Variants in TRAPPC9 observed in about 807,000 individuals in gnomAD.
The protein encoded by TRAPPC9 is IKK2 binding protein.
In TRAPPC9, 83 loss-of-function variants were observed where a neutral mutation model predicts 124.0. The observed-to-expected ratio is 0.67, with a 90% CI of 0.56 to 0.80. TRAPPC9 has a LOEUF of 0.80. TRAPPC9 is among the 30% of genes least tolerant of loss of function. The pLI, the probability that TRAPPC9 is intolerant of heterozygous loss-of-function variation, is 0.00. For synonymous variants in TRAPPC9, 638 were observed against 617.5 expected (o/e 1.03, Z -0.49); for missense variants, 1,302 against 1,508.3 (o/e 0.86, Z 2.27).
intron 17 of TRAPPC9, among the ~76,000 whole-genome samples, chr8:140,091,366 G>C (rs573816042): frequency 2.0e-4 from 31 of 152,332 alleles, no homozygotes; most frequent in African/African-American, 6.0e-4. Flanking sequence ...AGAAAGACTG[G>C]CAGGAAGATG....
At chr8:139,743,546 C>A (rs1563778246) in intron 21 of TRAPPC9, among the ~76,000 whole-genome samples, 1 of 152,202 alleles carries the variant, frequency 6.6e-6, no homozygotes, top group East Asian at 1.9e-4. Context: ...TGACATAAAT[C>A]TTGGGCGGTC....
chr8:140,297,459 A>C (rs182755432), intron 11 of TRAPPC9, among the ~76,000 whole-genome samples: 30 of 152,330 alleles, frequency 2.0e-4, no homozygotes, highest in African/African-American at 6.7e-4. Flanking sequence ...ATACACACAA[A>C]TTCTAGAGTA....
At chr8:140,341,063 G>A (rs951022310) in intron 9 of TRAPPC9, among the ~76,000 whole-genome samples, 1 of 151,890 alleles carries the variant, frequency 6.6e-6, no homozygotes, top group Admixed American at 6.6e-5. Flanking sequence ...AACAGCAGAG[G>A]AAAAAAAGGC....
intron 8 of TRAPPC9, among the ~76,000 whole-genome samples, chr8:140,365,561 C>T (rs966249056): frequency 2.0e-5 from 3 of 152,202 alleles, no homozygotes; most frequent in South Asian, 2.1e-4. Flanking sequence ...GAGACAACAG[C>T]GCCCCTTCAT....
chr8:140,029,280 C>T (rs1473199374), intron 17 of TRAPPC9, among the ~76,000 whole-genome samples: 1 of 152,192 alleles, frequency 6.6e-6, no homozygotes, highest in Non-Finnish European at 1.5e-5. Flanking sequence ...TGCGCAGAGG[C>T]AGATCACTTG....
intron 17 of TRAPPC9, among the ~76,000 whole-genome samples, chr8:140,034,512 A>AC (rs371550692): frequency 1.8e-3 from 270 of 152,332 alleles, no homozygotes; most frequent in African/African-American, 6.2e-3. Flanking sequence ...ACGCTGCAGC[A>AC]CAAGTGCTTG....
intron 7 of TRAPPC9, among the ~76,000 whole-genome samples, chr8:140,380,090 T>A (rs1016214284): frequency 7.9e-5 from 12 of 152,150 alleles, no homozygotes; most frequent in African/African-American, 2.9e-4. Flanking sequence ...TTGACAAGCT[T>A]ATGCCAAAAT....
At chr8:140,343,999 C>T (rs1015848610) in intron 9 of TRAPPC9, among the ~76,000 whole-genome samples, 12 of 152,116 alleles carry the variant, frequency 7.9e-5, no homozygotes, top group Admixed American at 2.0e-4. Context: ...AATCCTCACA[C>T]ACACCCTGTT....
chr8:140,113,205 A>G (rs1454259522), intron 17 of TRAPPC9, among the ~76,000 whole-genome samples: 1 of 152,194 alleles, frequency 6.6e-6, no homozygotes, highest in African/African-American at 2.4e-5. Context: ...GACAAATAGA[A>G]CATAGTCCCC....
At chr8:140,049,802 G>A (rs75058928) in intron 17 of TRAPPC9, among the ~76,000 whole-genome samples, 2,586 of 152,210 alleles carry the variant, frequency 0.017, 79 homozygotes, top group African/African-American at 0.058. Flanking sequence ...AAGGTCTCCC[G>A]CCGAGTCCTC....
chr8:140,082,842 G>C (rs1043147825), intron 17 of TRAPPC9, among the ~76,000 whole-genome samples: 2 of 152,160 alleles, frequency 1.3e-5, no homozygotes, highest in African/African-American at 4.8e-5. Context: ...AGCTGGTCAC[G>C]TTGACTTGGG....
chr8:140,157,974 T>A (rs901661362), intron 17 of TRAPPC9, among the ~76,000 whole-genome samples: 2 of 152,262 alleles, frequency 1.3e-5, no homozygotes, highest in African/African-American at 2.4e-5. Flanking sequence ...ATAGTCTTTC[T>A]AGACCTTTAT....
intron 16 of TRAPPC9, among the ~76,000 whole-genome samples, chr8:140,229,402 T>C (rs988614643): frequency 1.3e-5 from 2 of 151,308 alleles, no homozygotes; most frequent in Non-Finnish European, 2.9e-5. Context: ...GCTAGGATTA[T>C]GGGCACCTGC....
intron 21 of TRAPPC9, among the ~76,000 whole-genome samples, chr8:139,821,736 A>G (rs1362366656): frequency 6.6e-6 from 1 of 152,260 alleles, no homozygotes; most frequent in Non-Finnish European, 1.5e-5. Context: ...ACCAGCACCC[A>G]TGGTGAGGCT....
chr8:140,260,417 C>T (rs1002706882), intron 15 of TRAPPC9, among the ~76,000 whole-genome samples: 1 of 152,168 alleles, frequency 6.6e-6, no homozygotes, highest in Non-Finnish European at 1.5e-5. Flanking sequence ...CTGTTGAAGT[C>T]CCCAGACTCA....
intron 19 of TRAPPC9, among the ~76,000 whole-genome samples, chr8:139,962,444 C>A (rs1035618868): frequency 8.0e-6 from 1 of 124,998 alleles, no homozygotes; most frequent in Non-Finnish European, 1.9e-5. Context: ...TTTCATTCAT[C>A]CATTCATTCA....
At chr8:139,731,712 T>C (rs1466399231) in intron 22 of TRAPPC9, among the ~76,000 whole-genome samples, 2 of 152,090 alleles carry the variant, frequency 1.3e-5, no homozygotes, top group Non-Finnish European at 2.9e-5. Context: ...CAGCCCCCTG[T>C]CCTGGGCACA....
chr8:139,787,225 G>C (rs1307779218), intron 21 of TRAPPC9, among the ~76,000 whole-genome samples: 1 of 152,070 alleles, frequency 6.6e-6, no homozygotes, highest in African/African-American at 2.4e-5. Flanking sequence ...GCCAGTCACT[G>C]CTTGATTTGA....
chr8:140,083,292 T>A lies in TRAPPC9; in HGVS notation c.2557-59213A>T, dbSNP rs576109204. On this transcript the variant is annotated intron_variant, in intron 17 of 22. Coordinates refer to ENST00000438773, the MANE Select transcript of TRAPPC9 (RefSeq NM_001160372.4). Reference sequence around the variant, plus strand: ...ACCTTTCCACGGAGATATCAAACAGTGTTTAATAAAATTACAAATAAATGG... The same window carrying A: ...ACCTTTCCACGGAGATATCAAACAGAGTTTAATAAAATTACAAATAAATGG... 5.9e-5 allele frequency among the ~76,000 whole-genome samples: 9 copies of A among 152,214 alleles called. No individual in the cohort carries two copies. The South Asian group carries it at 1.9e-3, about 32-fold the overall frequency.
Sources: gnomAD v4.1 joint callset for allele counts (sites outside exome capture counted in the v4.1 genomes callset) on GRCh38, gnomAD v4.1.1 for gene constraint, MANE v1.5 for transcripts, NCBI Gene and HGNC (gene_info 2026-07-23, HGNC 2026-07-21) for gene names.